PTPRD: variants seen among roughly 807,000 people sequenced by gnomAD.
The protein encoded by PTPRD is receptor-type tyrosine-protein phosphatase delta.
A neutral mutation model predicts 214.5 loss-of-function variants in PTPRD; 34 were observed. The ratio of observed to expected loss-of-function variants is 0.16; its 90% CI spans 0.12 to 0.21. The LOEUF is 0.21. Among genes scored for constraint, PTPRD ranks in the 10% least tolerant of loss-of-function variants. PTPRD has a pLI of 1.00. For missense variants in PTPRD, 2,545 were observed against 2,398.7 expected, an observed-to-expected ratio of 1.06 and a Z score of -1.27; for synonymous variants, 1,128 against 845.7, an observed-to-expected ratio of 1.33 and a Z score of -5.79.
chr9:8,353,818 ATATATGT>A (rs147489890), intron 39 of PTPRD, among the ~76,000 whole-genome samples: 185 of 17,890 alleles, frequency 0.01, 1 homozygote, highest in South Asian at 0.021. Context: ...TCAAAAAAAA[ATATATGT>A]ATATATGTAT....
chr9:9,825,634 T>C (rs1157741318), intron 5 of PTPRD, among the ~76,000 whole-genome samples: 27 of 151,990 alleles, frequency 1.8e-4, no homozygotes. Flanking sequence ...AAGCTTATTC[T>C]ACGGGGTATT....
intron 11 of PTPRD, among the ~76,000 whole-genome samples, chr9:8,943,504 G>A (rs909094316): frequency 6.6e-6 from 1 of 151,522 alleles, no homozygotes; most frequent in African/African-American, 2.4e-5. Flanking sequence ...TGACAACGGT[G>A]CCAAGAACAT....
chr9:9,553,533 C>T (rs1282103213), intron 8 of PTPRD, among the ~76,000 whole-genome samples: 1 of 151,742 alleles, frequency 6.6e-6, no homozygotes, highest in Non-Finnish European at 1.5e-5. Flanking sequence ...TTTTTTTCCA[C>T]ATTGGTATTC....
At chr9:9,595,835 G>T (rs924859399) in intron 7 of PTPRD, among the ~76,000 whole-genome samples, 24 of 151,896 alleles carry the variant, frequency 1.6e-4, no homozygotes, top group African/African-American at 5.8e-4. Context: ...ACTACAAGCT[G>T]GGTGTAGTGT....
chr9:8,875,549 C>A lies in PTPRD; in HGVS notation c.-103-141603G>T, dbSNP rs758898778. On this transcript the variant is annotated intron_variant, in intron 11 of 45. Coordinates refer to ENST00000381196, the MANE Select transcript of PTPRD (RefSeq NM_002839.4). ...CTAAGAAATTACAACTATTTATAAC[C>A]TTATTTCAAGCATAAGGTAAACATC... Among the ~76,000 whole-genome samples, 65 of 152,008 alleles carry A rather than the reference C, an allele frequency of 4.3e-4. 1 individual carries two copies. Among genetic ancestry groups the A allele is most frequent in the Non-Finnish European group, 7.9e-4 (54 of 68,002 alleles).
At chr9:8,582,026 C>A (rs2093195782) in intron 14 of PTPRD, among the ~76,000 whole-genome samples, 1 of 145,422 alleles carries the variant, frequency 6.9e-6, no homozygotes, top group Non-Finnish European at 1.5e-5. Flanking sequence ...CTATAAATTT[C>A]AAAAATGAGA....
chr9:9,919,592 A>C (rs181001024), intron 5 of PTPRD, among the ~76,000 whole-genome samples: 64 of 152,298 alleles, frequency 4.2e-4, no homozygotes, highest in Non-Finnish European at 8.2e-4. Context: ...CACAAATGAG[A>C]AGTTCCTGCC....
At chr9:9,746,940 A>C (rs1341956900) in intron 6 of PTPRD, among the ~76,000 whole-genome samples, 1 of 152,090 alleles carries the variant, frequency 6.6e-6, no homozygotes, top group Non-Finnish European at 1.5e-5. Flanking sequence ...GAAACAGTAC[A>C]TTCTGAATCT....
intron 2 of PTPRD, among the ~76,000 whole-genome samples, chr9:10,348,443 G>T (rs1166850389): frequency 1.3e-5 from 2 of 152,098 alleles, no homozygotes; most frequent in Non-Finnish European, 2.9e-5. Context: ...GCTGCAAGCG[G>T]TAAAACACTG....
In PTPRD at chr9:9,564,890, T is replaced by TTG. The variant is rs1460787422; in HGVS notation, c.-237+9841_-237+9842insCA. ...AGAGAGACTTGAATCTTCTGTTTTT[T>TTG]TTTTTTTTTTTTTTTTTTTTTTTGC... On this transcript the variant is annotated intron_variant, in intron 8 of 45. Coordinates refer to ENST00000381196, the MANE Select transcript of PTPRD (RefSeq NM_002839.4). Among the ~76,000 whole-genome samples the TTG allele has an allele frequency of 5.3e-5, 6 of 112,340 alleles. No homozygotes were observed. In the East Asian group the frequency reaches 1.6e-3, roughly 30 times the overall value. 73.7% of individuals were successfully genotyped at this position (112,340 alleles called of 152,430 possible). A position where few individuals can be genotyped will look rare whatever the true frequency, so the allele number is the denominator to read the frequency against.
chr9:10,048,590 T>A (rs2097452811), intron 3 of PTPRD, among the ~76,000 whole-genome samples: 1 of 152,080 alleles, frequency 6.6e-6, no homozygotes, highest in South Asian at 2.1e-4. Flanking sequence ...ACTAATTTCA[T>A]TAATACTCTA....
intron 21 of PTPRD, among the ~76,000 whole-genome samples, chr9:8,515,831 G>A (rs72694765): frequency 0.02 from 3,081 of 152,230 alleles, 44 homozygotes; most frequent in Middle Eastern, 0.031. Context: ...CGTTGTTTAA[G>A]CCACCTAGTA....
At chr9:10,405,300 G>C (rs1460263808) in intron 2 of PTPRD, among the ~76,000 whole-genome samples, 1 of 151,682 alleles carries the variant, frequency 6.6e-6, no homozygotes, top group African/African-American at 2.4e-5. Context: ...ATTATAACAA[G>C]TAAGTTTTTC....
chr9:10,484,731 T>C (rs75086099), intron 2 of PTPRD, among the ~76,000 whole-genome samples: 10,148 of 152,088 alleles, frequency 0.067, 1,104 homozygotes, highest in African/African-American at 0.23. Context: ...TTTTTTCCTA[T>C]ATAGTTGTTT....
intron 3 of PTPRD, among the ~76,000 whole-genome samples, chr9:10,246,036 G>A (rs1247221225): frequency 6.6e-6 from 1 of 151,864 alleles, no homozygotes; most frequent in Non-Finnish European, 1.5e-5. Flanking sequence ...ATTTCCTTTG[G>A]CCTCCCAAGA....
At chr9:9,845,376 A>G (rs2059339069) in intron 5 of PTPRD, among the ~76,000 whole-genome samples, 1 of 151,888 alleles carries the variant, frequency 6.6e-6, no homozygotes, top group Non-Finnish European at 1.5e-5. Context: ...GGCAGTGTCC[A>G]TAAGGCACAC....
chr9:8,870,012 G>C (rs936978646), intron 11 of PTPRD, among the ~76,000 whole-genome samples: 1 of 151,910 alleles, frequency 6.6e-6, no homozygotes, highest in African/African-American at 2.4e-5. Flanking sequence ...GCAACCTGCT[G>C]GGACATTTCA....
intron 14 of PTPRD, among the ~76,000 whole-genome samples, chr9:8,585,217 T>G (rs916925208): frequency 2.0e-5 from 3 of 152,210 alleles, no homozygotes; most frequent in Non-Finnish European, 4.4e-5. Context: ...AAATTTTTTT[T>G]AACTGCAGAG....
chr9:8,629,770 T>G (rs1469114001), intron 14 of PTPRD, among the ~76,000 whole-genome samples: 1 of 151,756 alleles, frequency 6.6e-6, no homozygotes, highest in Non-Finnish European at 1.5e-5. Flanking sequence ...TTGGAAGACA[T>G]AAGCCCTACA....
Sources: allele counts gnomAD v4.1 joint callset (sites outside exome capture counted in the v4.1 genomes callset), GRCh38; gene constraint gnomAD v4.1.1; transcripts MANE v1.5; gene names NCBI Gene and HGNC (gene_info 2026-07-23, HGNC 2026-07-21).